ASTN2: variants seen among roughly 807,000 people sequenced by gnomAD.
The protein encoded by ASTN2 is astrotactin 2.
ASTN2 carries 54 observed loss-of-function variants against 139.8 expected under a neutral mutation model. The observed-to-expected ratio is 0.39, with a 90% CI of 0.31 to 0.48. The LOEUF is 0.48. Ranked by LOEUF, ASTN2 falls within the 20% of genes least tolerant of loss-of-function variation. The pLI is 0.95. For synonymous variants in ASTN2, 756 were observed against 719.5 expected, an observed-to-expected ratio of 1.05 and a Z score of -0.81; for missense variants, 1,565 against 1,725.1, an observed-to-expected ratio of 0.91 and a Z score of 1.64.
At chr9:116,921,461 G>A (rs555501875) in intron 10 of ASTN2, among the ~76,000 whole-genome samples, 52 of 152,068 alleles carry the variant, frequency 3.4e-4, no homozygotes, top group Admixed American at 2.6e-3. Flanking sequence ...GGTGGAGGTC[G>A]CCTGTAGTCC....
intron 1 of ASTN2, among the ~76,000 whole-genome samples, chr9:117,315,363 C>G (rs773904353): frequency 4.6e-5 from 7 of 152,182 alleles, no homozygotes; most frequent in Non-Finnish European, 1.0e-4. Flanking sequence ...GCGCACTCAG[C>G]TGAGTTGTTA....
intron 19 of ASTN2, among the ~76,000 whole-genome samples, chr9:116,512,791 T>C (rs1442863709): frequency 2.0e-5 from 3 of 152,222 alleles, no homozygotes; most frequent in Non-Finnish European, 4.4e-5. Flanking sequence ...TTTGTTGGTT[T>C]AAAATCTCTT....
Position 116,569,919 on chromosome 9 carries a change from C to T in ASTN2, c.3355+48405G>A, listed in dbSNP as rs927456346. On this transcript the variant is annotated intron_variant, in intron 19 of 22. Coordinates refer to ENST00000313400, the MANE Select transcript of ASTN2 (RefSeq NM_001365068.1). The stretch of plus-strand genomic sequence containing the variant: ...ACTGGTTGGAGAGTCTAATGTATTC[C>T]GTCATGCCGTCTAATTCAGAGTCTC... Among the ~76,000 whole-genome samples, 5 of 152,168 alleles carry T rather than the reference C, an allele frequency of 3.3e-5. No homozygotes were observed. In the South Asian group the frequency reaches 6.2e-4, roughly 19 times the overall value.
intron 1 of ASTN2, among the ~76,000 whole-genome samples, chr9:117,365,101 A>G (rs1447482022): frequency 6.6e-6 from 1 of 151,780 alleles, no homozygotes; most frequent in African/African-American, 2.4e-5. Context: ...GTAAGCCAAC[A>G]TCACTTCACT....
intron 11 of ASTN2, among the ~76,000 whole-genome samples, chr9:116,858,613 C>G (rs1011293175): frequency 6.6e-6 from 1 of 152,116 alleles, no homozygotes. Context: ...CTGTGCCTTG[C>G]TGACATCATT....
intron 19 of ASTN2, among the ~76,000 whole-genome samples, chr9:116,538,597 G>A (rs1851745837): frequency 6.6e-6 from 1 of 152,188 alleles, no homozygotes; most frequent in Admixed American, 6.5e-5. Flanking sequence ...TCTCTTGCCT[G>A]TTGGATCTCA....
intron 5 of ASTN2, among the ~76,000 whole-genome samples, chr9:117,040,852 G>A (rs1838543417): frequency 6.6e-6 from 1 of 152,214 alleles, no homozygotes; most frequent in Non-Finnish European, 1.5e-5. Context: ...ATTTAGAAGA[G>A]TTTCACGGTT....
chr9:116,532,174 G>A (rs1851383538), intron 19 of ASTN2, among the ~76,000 whole-genome samples: 1 of 152,224 alleles, frequency 6.6e-6, no homozygotes, highest in Non-Finnish European at 1.5e-5. Flanking sequence ...CTTTTGAGAA[G>A]TGTCTGTTCA....
chr9:116,425,946 C>T lies in ASTN2; in HGVS notation c.3925G>A (p.Val1309Met), dbSNP rs1222336950. ...GTGTCCTTGAGGATGCTATACCACA[C>T]CATGCCTGCAGGCCGGACCTCCTCG... The part of the protein sequence containing the change: ...RSEEVRPAGM[V>M]WYSILKDTKI... Residue 1309 changes from valine (V) to methionine (M), a missense_variant, in exon 23 of 23, where the codon GTG becomes ATG. By Grantham distance (21) the Val-to-Met change is conservative (BLOSUM62 1). This residue lies in a region of ASTN2 where 418 missense variants were observed against 465.8 expected (regional missense o/e 0.90). Transcript: ENST00000313400. 3 of 1,614,172 alleles carry T rather than the reference C, an allele frequency of 1.9e-6. No homozygotes were observed. The highest frequency in any genetic ancestry group is 2.2e-5 in the East Asian group (1 of 44,866).
intron 22 of ASTN2, among the ~76,000 whole-genome samples, chr9:116,434,673 G>A (rs1445816545): frequency 6.6e-6 from 1 of 152,192 alleles, no homozygotes; most frequent in East Asian, 1.9e-4. Context: ...AGAAGCCCAA[G>A]AGTGGTCAAG....
intron 13 of ASTN2, among the ~76,000 whole-genome samples, chr9:116,783,819 A>G (rs773035171): frequency 1.6e-4 from 24 of 152,158 alleles, no homozygotes; most frequent in Non-Finnish European, 3.2e-4. Flanking sequence ...AAGCTTCTCT[A>G]ACCCACAAAA....
chr9:117,240,796 C>G (rs939632045), intron 2 of ASTN2, among the ~76,000 whole-genome samples: 1 of 152,150 alleles, frequency 6.6e-6, no homozygotes, highest in African/African-American at 2.4e-5. Flanking sequence ...AGAATTTGCC[C>G]AGACTCACAT....
At chr9:116,517,001 C>A (rs548221096) in intron 19 of ASTN2, among the ~76,000 whole-genome samples, 2 of 152,336 alleles carry the variant, frequency 1.3e-5, no homozygotes, top group East Asian at 1.9e-4. Flanking sequence ...ACATGCTTAT[C>A]CCTGCCCCCA....
At chr9:117,103,467 G>A (rs1328710019) in intron 4 of ASTN2, among the ~76,000 whole-genome samples, 3 of 152,194 alleles carry the variant, frequency 2.0e-5, no homozygotes, top group Admixed American at 6.5e-5. Flanking sequence ...CAACATGAAA[G>A]TCATGTTATG....
chr9:117,332,840 A>G (rs1254187718), intron 1 of ASTN2, among the ~76,000 whole-genome samples: 1 of 152,226 alleles, frequency 6.6e-6, no homozygotes, highest in Admixed American at 6.5e-5. Context: ...TGAAATACAG[A>G]TGCATGCTAA....
intron 19 of ASTN2, among the ~76,000 whole-genome samples, chr9:116,608,557 T>A (rs1453202573): frequency 6.6e-6 from 1 of 152,112 alleles, no homozygotes; most frequent in Non-Finnish European, 1.5e-5. Flanking sequence ...GTTCAAAATG[T>A]TTTTGAACTC....
chr9:117,393,219 G>A (rs184796482), intron 1 of ASTN2, among the ~76,000 whole-genome samples: 28 of 152,294 alleles, frequency 1.8e-4, no homozygotes, highest in Admixed American at 9.2e-4. Flanking sequence ...TGCAGATGGC[G>A]CCACGCTGGT....
At chr9:116,902,037 T>C (rs1462283635) in intron 10 of ASTN2, among the ~76,000 whole-genome samples, 2 of 151,730 alleles carry the variant, frequency 1.3e-5, no homozygotes, top group Non-Finnish European at 2.9e-5. Context: ...AATAAATAAA[T>C]AAATAAATAA....
At chr9:117,412,346 C>T (rs1403911137) in intron 1 of ASTN2, among the ~76,000 whole-genome samples, 1 of 152,098 alleles carries the variant, frequency 6.6e-6, no homozygotes, top group Non-Finnish European at 1.5e-5. Context: ...CTGCCAGGCT[C>T]AGGGACCGTG....
Sources: allele counts gnomAD v4.1 joint callset (sites outside exome capture counted in the v4.1 genomes callset), GRCh38; gene constraint gnomAD v4.1.1; regional missense constraint gnomAD v4.1.1; transcripts MANE v1.5; gene names NCBI Gene and HGNC (gene_info 2026-07-23, HGNC 2026-07-21).